PDZRN4: variants seen among roughly 807,000 people sequenced by gnomAD.
PDZRN4 encodes PDZ domain-containing RING finger protein 4.
Under a neutral mutation model 99.0 loss-of-function variants are expected in PDZRN4, and 70 were observed. That is an observed-to-expected ratio of 0.71 (90% confidence interval 0.58 to 0.86). PDZRN4 has a LOEUF of 0.86. Among genes scored for constraint, PDZRN4 ranks in the 40% least tolerant of loss-of-function variants. The pLI is 0.00. For synonymous variants in PDZRN4, 551 were observed against 501.6 expected (o/e 1.10, Z -1.32); for missense variants, 1,474 against 1,331.2 (o/e 1.11, Z -1.67).
chr12:41,573,463 G>C lies in PDZRN4; in HGVS notation c.2684G>C (p.Ser895Thr), dbSNP rs1253983498. Residue 895 changes from serine (S) to threonine (T), a missense_variant, in exon 10 of 10, where the codon AGC (serine) becomes ACC (threonine). Coordinates refer to ENST00000402685, the MANE Select transcript of PDZRN4 (RefSeq NM_001164595.2). ...ATGGAATGGAAGGTGAAAATTAGGA[G>C]CGACGGGACACGGTACATCACAAAG... ...PKMEWKVKIR[S>T]DGTRYITKRP... The C allele has an allele frequency of 6.2e-7, 1 of 1,613,904 alleles. No individual in the cohort carries two copies. Among genetic ancestry groups the C allele is most frequent in the Non-Finnish European group, 8.5e-7 (1 of 1,180,002 alleles).
At chr12:41,282,406 A>G (rs1208030471) in intron 3 of PDZRN4, among the ~76,000 whole-genome samples, 1 of 152,176 alleles carries the variant, frequency 6.6e-6, no homozygotes, top group Non-Finnish European at 1.5e-5. Flanking sequence ...GACTTAGACT[A>G]CCACACAATA....
chr12:41,285,183 G>A (rs188842264), intron 3 of PDZRN4, among the ~76,000 whole-genome samples: 1,630 of 151,900 alleles, frequency 0.011, 30 homozygotes, highest in African/African-American at 0.037. Context: ...AAACCCCATC[G>A]AAAAACAGGC....
intron 3 of PDZRN4, among the ~76,000 whole-genome samples, chr12:41,216,391 G>C (rs927501008): frequency 3.3e-5 from 5 of 151,888 alleles, no homozygotes; most frequent in African/African-American, 1.2e-4. Flanking sequence ...AAGTTTTAGG[G>C]AATCAAGGAT....
chr12:41,527,863 G>A (rs285575), intron 5 of PDZRN4, among the ~76,000 whole-genome samples: 87,015 of 151,990 alleles, frequency 0.57, 26,696 homozygotes, highest in African/African-American at 0.82. Flanking sequence ...TCACTCTGAG[G>A]TTTTTCTATT....
At chr12:41,219,037 G>C (rs947720812) in intron 3 of PDZRN4, among the ~76,000 whole-genome samples, 1 of 151,818 alleles carries the variant, frequency 6.6e-6, no homozygotes, top group Non-Finnish European at 1.5e-5. Flanking sequence ...TTATTCTTAG[G>C]TAAAGGAATA....
At chr12:41,540,863 C>CGTT (rs747322893) in intron 5 of PDZRN4, among the ~76,000 whole-genome samples, 64 of 115,858 alleles carry the variant, frequency 5.5e-4, no homozygotes, top group South Asian at 1.8e-3. Flanking sequence ...CCCTTTTCTT[C>CGTT]GTTGTTGTTG....
intron 3 of PDZRN4, among the ~76,000 whole-genome samples, chr12:41,304,911 A>T (rs1041027298): frequency 6.6e-6 from 1 of 152,200 alleles, no homozygotes; most frequent in Non-Finnish European, 1.5e-5. Flanking sequence ...TCATAAACAT[A>T]CTACATGGTT....
intron 3 of PDZRN4, among the ~76,000 whole-genome samples, chr12:41,340,825 AC>A (rs1256642944): frequency 6.6e-6 from 1 of 151,884 alleles, no homozygotes; most frequent in Non-Finnish European, 1.5e-5. Flanking sequence ...CCCCTCAAAC[AC>A]TTCCAGAAAA....
At chr12:41,237,300 T>A (rs1951074096) in intron 3 of PDZRN4, among the ~76,000 whole-genome samples, 1 of 152,104 alleles carries the variant, frequency 6.6e-6, no homozygotes, top group Non-Finnish European at 1.5e-5. Flanking sequence ...CCTAGTTTTT[T>A]CTCATAAAAT....
intron 9 of PDZRN4, 71 bp from the exon 10 acceptor site, chr12:41,572,293 A>G (rs1939495302): frequency 2.9e-6 from 4 of 1,359,028 alleles, no homozygotes; most frequent in Non-Finnish European, 1.0e-6. Flanking sequence ...TGGTTTTCAA[A>G]CAAGATTTTT....
chr12:41,506,800 G>A lies in PDZRN4; in HGVS notation c.1100+88G>A, dbSNP rs536891123. 63 of 1,443,314 alleles carry A rather than the reference G, an allele frequency of 4.4e-5. No individual in the cohort carries two copies. In the East Asian group the frequency reaches 1.4e-3, roughly 33 times the overall value. The allele number at this position is 1,443,314 out of a possible 1,614,324, so 89.4% of individuals were successfully genotyped here. Reference sequence around the variant, plus strand: ...TGAAAAGAAGCAGTTCCACTAGCAGGTTGACAGTTATGGAGACAGGCTTCC... The same window carrying A: ...TGAAAAGAAGCAGTTCCACTAGCAGATTGACAGTTATGGAGACAGGCTTCC... On this transcript the variant is annotated intron_variant, in intron 4 of 9. Transcript: ENST00000402685.
Position 41,572,696 on chromosome 12 carries a change from T to A in PDZRN4, c.1917T>A (p.Asn639Lys), listed in dbSNP as rs1348010316. 12 of 1,614,070 alleles carry A rather than the reference T, an allele frequency of 7.4e-6. No homozygotes were observed. Among genetic ancestry groups the A allele is most frequent in the Non-Finnish European group, 1.0e-5 (12 of 1,179,996 alleles). The change falls in exon 10 of 10, where the codon AAT (asparagine) becomes AAA (lysine). Residue 639 changes from asparagine to lysine, a missense_variant. Coordinates refer to ENST00000402685, the MANE Select transcript of PDZRN4 (RefSeq NM_001164595.2). ...TGGAGCTCAAATGCAAGATTCGAAA[T>A]CATGGAGAGTATGACCTGTATTACT... ...QLLELKCKIR[N>K]HGEYDLYYSS... is the part of the protein sequence containing the mutation.
At chr12:41,330,615 T>C (rs1273270448) in intron 3 of PDZRN4, among the ~76,000 whole-genome samples, 1 of 151,936 alleles carries the variant, frequency 6.6e-6, no homozygotes, top group African/African-American at 2.4e-5. Context: ...TATGCTGGAA[T>C]AAGCTTCTAT....
chr12:41,237,906 C>T (rs1001046150), intron 3 of PDZRN4, among the ~76,000 whole-genome samples: 3 of 152,098 alleles, frequency 2.0e-5, no homozygotes, highest in African/African-American at 7.2e-5. Flanking sequence ...TAGCGTGATG[C>T]CTCCAGCTTT....
At chr12:41,190,636 C>T (rs1386083075) in intron 1 of PDZRN4, among the ~76,000 whole-genome samples, 2 of 152,148 alleles carry the variant, frequency 1.3e-5, no homozygotes, top group African/African-American at 2.4e-5. Flanking sequence ...GGAAAAGCTC[C>T]TGGGAAAATA....
intron 3 of PDZRN4, among the ~76,000 whole-genome samples, chr12:41,498,053 A>G (rs967398755): frequency 1.3e-5 from 2 of 152,084 alleles, no homozygotes; most frequent in African/African-American, 4.8e-5. Flanking sequence ...AGAATAGTAT[A>G]AAAATTCTCA....
intron 3 of PDZRN4, among the ~76,000 whole-genome samples, chr12:41,299,541 A>T (rs1428338134): frequency 1.3e-5 from 2 of 152,036 alleles, no homozygotes; most frequent in Non-Finnish European, 2.9e-5. Context: ...GGCTTAGATG[A>T]CACCCTTATA....
rs1398777971 is a variant in PDZRN4 at position 41,468,170 on chromosome 12, A to G, written c.844-38286A>G. Among the ~76,000 whole-genome samples the G allele has an allele frequency of 2.6e-5, 4 of 152,352 alleles. No individual in the cohort carries two copies. In the East Asian group the frequency reaches 7.7e-4, roughly 29 times the overall value. On this transcript the variant is annotated intron_variant, in intron 3 of 9. Transcript: ENST00000402685. ...AAGTACTGGCTGCGCATAGGGAAGAAAGGGATAATTTGAGAGAATATGCAT... is the reference window on the plus strand; with the variant it reads ...AAGTACTGGCTGCGCATAGGGAAGAGAGGGATAATTTGAGAGAATATGCAT...
intron 3 of PDZRN4, among the ~76,000 whole-genome samples, chr12:41,227,876 TACACACACACACACACACACAC>T (rs138441771): frequency 1.1e-4 from 10 of 94,228 alleles, no homozygotes; most frequent in Admixed American, 2.5e-4. Flanking sequence ...AGCAAAAATC[TACACACACACACACACACACAC>T]ACACACACAC....
Sources: gnomAD v4.1 joint callset for allele counts (sites outside exome capture counted in the v4.1 genomes callset) on GRCh38, gnomAD v4.1.1 for gene constraint, MANE v1.5 for transcripts, NCBI Gene and HGNC (gene_info 2026-07-23, HGNC 2026-07-21) for gene names.